The following DOP1B variants were observed in gnomAD, a reference collection of about 807,000 sequenced individuals.
DOP1B encodes protein DOP1B.
In DOP1B, 174 loss-of-function variants were observed where a neutral mutation model predicts 233.5. The ratio of observed to expected loss-of-function variants is 0.75; its 90% confidence interval spans 0.66 to 0.85. The LOEUF (loss-of-function observed/expected upper bound fraction) is 0.85, where lower values mean the gene tolerates loss of function less well. Ranked by LOEUF, DOP1B falls within the 40% of genes least tolerant of loss-of-function variation. The pLI, the probability that DOP1B is intolerant of heterozygous loss-of-function variation, is 0.00. For synonymous variants in DOP1B, 1,190 were observed against 1,185.6 expected (o/e 1.00, Z -0.08); for missense variants, 2,652 against 2,846.6 (o/e 0.93, Z 1.56).
chr21:36,244,018 CCTTTTT>C (rs1201605847), intron 18 of DOP1B, among the ~76,000 whole-genome samples: 1 of 116,948 alleles, frequency 8.6e-6, no homozygotes, highest in African/African-American at 3.5e-5. Flanking sequence ...TTTTTCCTTT[CCTTTTT>C]TTTTTTTTTT....
intron 33 of DOP1B, among the ~76,000 whole-genome samples, 197 bp from the exon 34 acceptor site, chr21:36,288,559 C>A (rs966062107): frequency 6.6e-6 from 1 of 151,950 alleles, no homozygotes; most frequent in South Asian, 2.1e-4. Flanking sequence ...TTCGGCATGG[C>A]GGGAAGTTGC....
At chr21:36,288,276 G>A in intron 33 of DOP1B, 126 bp downstream of exon 33, 1 of 928,108 alleles carries the variant, frequency 1.1e-6, no homozygotes, top group Non-Finnish European at 1.6e-6. Flanking sequence ...CAGGTTGGTA[G>A]CACATGGTTA....
intron 1 of DOP1B, among the ~76,000 whole-genome samples, chr21:36,161,436 C>A (rs1207596198): frequency 6.6e-6 from 1 of 152,156 alleles, no homozygotes; most frequent in Non-Finnish European, 1.5e-5. Context: ...TGCACCTGGC[C>A]TAGTTTTATT....
At chr21:36,219,136 C>T (rs1297333525) in intron 9 of DOP1B, among the ~76,000 whole-genome samples, 2 of 152,100 alleles carry the variant, frequency 1.3e-5, no homozygotes, top group Non-Finnish European at 2.9e-5. Context: ...ATGTAAAACG[C>T]GTAGAAGGGT....
At chr21:36,230,232 A>G (rs1386185799) in intron 13 of DOP1B, among the ~76,000 whole-genome samples, 1 of 152,188 alleles carries the variant, frequency 6.6e-6, no homozygotes, top group Admixed American at 6.6e-5. Context: ...CTCCCCAGAG[A>G]GCATGTGGGT....
intron 2 of DOP1B, chr21:36,169,788 G>C: frequency 8.0e-7 from 1 of 1,254,838 alleles, no homozygotes; most frequent in Admixed American, 1.7e-5. Context: ...TGCAGTACTT[G>C]GTAAAGGCCT....
At position 36,203,616 on chromosome 21, in the gene DOP1B, G is replaced by T. The variant is rs540691712; in HGVS notation, c.491+3115G>T. On this transcript the variant is annotated intron_variant, in intron 4 of 36. Coordinates refer to ENST00000691173, the MANE Select transcript of DOP1B (RefSeq NM_001320714.2). ...AATTGAGTGAAACACCCCAACAAAT[G>T]TGCAGAGAGCAGAAAGGGAGGGTGC... Among the ~76,000 whole-genome samples, 7 of 151,184 alleles carry T rather than the reference G, an allele frequency of 4.6e-5. No individual in the cohort carries two copies. In the East Asian group the frequency reaches 1.4e-3, roughly 29 times the overall value.
chr21:36,170,164 A>G (rs1334376184), intron 2 of DOP1B: 2 of 485,928 alleles, frequency 4.1e-6, no homozygotes. Flanking sequence ...GGGAGTGGAG[A>G]ACTTTCTGTG....
chr21:36,211,019 C>A (rs1481284002), intron 5 of DOP1B, among the ~76,000 whole-genome samples: 7 of 152,170 alleles, frequency 4.6e-5, no homozygotes, highest in Non-Finnish European at 8.8e-5. Flanking sequence ...TGCATTCCTG[C>A]CCTTCTTCGA....
At position 36,259,014 on chromosome 21, in the gene DOP1B, C is replaced by T. The variant is rs182444122; in HGVS notation, c.5260-1663C>T. Among the ~76,000 whole-genome samples, 474 of 141,844 alleles carry T rather than the reference C, an allele frequency of 3.3e-3. 2 individuals carry two copies. The highest frequency in any genetic ancestry group is 0.012 in the African/African-American group (456 of 38,258). 93.1% of individuals were successfully genotyped at this position (141,844 alleles called of 152,430 possible). ...TTTTTGAGACGAAGTCTTGCTCTGT[C>T]GCCCAGGCTGGCGCAATCTCGGCTC... is the stretch of plus-strand genomic sequence containing the variant. On this transcript the variant is annotated intron_variant, in intron 23 of 36. Coordinates refer to ENST00000691173, the MANE Select transcript of DOP1B (RefSeq NM_001320714.2).
chr21:36,192,324 A>C (rs556734142), intron 2 of DOP1B, among the ~76,000 whole-genome samples: 1 of 149,916 alleles, frequency 6.7e-6, no homozygotes, highest in African/African-American at 2.5e-5. Context: ...ACACCACTGC[A>C]CTCCACTGTG....
intron 2 of DOP1B, among the ~76,000 whole-genome samples, chr21:36,177,220 C>G: frequency 6.6e-6 from 1 of 152,162 alleles, no homozygotes; most frequent in East Asian, 1.9e-4. Context: ...ACCCCTTACC[C>G]CAGGTTATCT....
chr21:36,278,487 C>T, intron 30 of DOP1B, 132 bp downstream of exon 30: 1 of 867,116 alleles, frequency 1.2e-6, no homozygotes, highest in Non-Finnish European at 1.7e-6. Context: ...ACGTCCCTGT[C>T]ACAGGCTCGC....
At chr21:36,270,186 C>T in intron 27 of DOP1B, 29 bp downstream of exon 27, 1 of 1,609,276 alleles carries the variant, frequency 6.2e-7, no homozygotes, top group African/African-American at 1.3e-5. Context: ...GCTGATAGTG[C>T]CTCTGGTCAG....
chr21:36,292,734 C>T (rs529710141), intron 36 of DOP1B, among the ~76,000 whole-genome samples: 2 of 151,650 alleles, frequency 1.3e-5, no homozygotes, highest in East Asian at 3.9e-4. Flanking sequence ...ACCTCAGCTT[C>T]CCAAGTAGTT....
intron 18 of DOP1B, among the ~76,000 whole-genome samples, chr21:36,242,072 A>C (rs561610944): frequency 6.6e-6 from 1 of 152,138 alleles, no homozygotes; most frequent in East Asian, 1.9e-4. Flanking sequence ...TTTGGCTACT[A>C]TTCATGGCAG....
Position 36,208,711 on chromosome 21 carries a change from A to G in DOP1B, c.492-4A>G. ...CCTTGAACCCTATCCTCTCTCATCAACAGAACGGATGCTCTGCTCCTGAGA... is the reference window on the plus strand; with the variant it reads ...CCTTGAACCCTATCCTCTCTCATCAGCAGAACGGATGCTCTGCTCCTGAGA... On this transcript the variant is annotated splice_region_variant and splice_polypyrimidine_tract_variant and intron_variant, in intron 4 of 36. Transcript: ENST00000691173. The G allele has an allele frequency of 6.2e-7, 1 of 1,612,340 alleles. No homozygotes were observed. The highest frequency in any genetic ancestry group is 8.5e-7 in the Non-Finnish European group (1 of 1,179,260).
At chr21:36,209,621 T>C (rs1384331919) in intron 5 of DOP1B, among the ~76,000 whole-genome samples, 1 of 151,518 alleles carries the variant, frequency 6.6e-6, no homozygotes, top group Non-Finnish European at 1.5e-5. Context: ...CCCCCTCCTC[T>C]CTTGTCTCCA....
chr21:36,191,851 A>G, intron 2 of DOP1B, among the ~76,000 whole-genome samples: 1 of 152,048 alleles, frequency 6.6e-6, no homozygotes, highest in Non-Finnish European at 1.5e-5. Flanking sequence ...ATGAAACAGC[A>G]TTATTTCTTT....
Sources: gnomAD v4.1 joint callset for allele counts (sites outside exome capture counted in the v4.1 genomes callset) on GRCh38, gnomAD v4.1.1 for gene constraint, MANE v1.5 for transcripts, NCBI Gene and HGNC (gene_info 2026-07-23, HGNC 2026-07-21) for gene names.